The following LRRN2 variants were observed in gnomAD, a reference collection of about 807,000 sequenced individuals.
LRRN2 encodes leucine-rich repeat neuronal protein 2.
In LRRN2, 10 loss-of-function variants were observed where a neutral mutation model predicts 35.7. The ratio of observed to expected loss-of-function variants is 0.28; its 90% CI spans 0.17 to 0.47. The LOEUF (loss-of-function observed/expected upper bound fraction) is 0.47. Ranked by LOEUF, LRRN2 falls within the 20% of genes least tolerant of loss-of-function variation. The pLI is 0.99. For synonymous variants in LRRN2, 391 were observed against 409.6 expected (o/e 0.95, Z 0.55); for missense variants, 731 against 940.3 (o/e 0.78, Z 2.91).
chr1:204,652,443 TAA>T (rs1233913213), intron 1 of LRRN2, among the ~76,000 whole-genome samples: 1 of 151,450 alleles, frequency 6.6e-6, no homozygotes, highest in African/African-American at 2.4e-5. Context: ...AGGACCGAGC[TAA>T]AGTTTTGGCT....
rs369418377 is a variant in LRRN2, at chr1:204,628,860, C to T, written c.-226-8642G>A. The T allele has an allele frequency of 3.3e-5, 5 of 152,350 alleles. No individual in the cohort carries two copies. The East Asian group carries it at 7.7e-4, about 23-fold the overall frequency. 9.4% of individuals were successfully genotyped at this position (152,350 alleles called of 1,614,324 possible). A position where few individuals can be genotyped will look rare whatever the true frequency, so the allele number is the denominator to read the frequency against. On this transcript the variant is annotated intron_variant, in intron 1 of 1. Transcript: ENST00000367177. ...CTCCTCCTGGCTTAGGGGAGCAGCT[C>T]CTCTGCTTCCCCACATGCTCTCCAG...
intron 1 of LRRN2, among the ~76,000 whole-genome samples, chr1:204,635,602 G>C (rs1296052028): frequency 1.3e-5 from 2 of 152,204 alleles, no homozygotes; most frequent in Non-Finnish European, 2.9e-5. Context: ...CGAGATGGCT[G>C]GTATCCCAAA....
rs1669053340 is a variant in LRRN2 at position 204,685,551 on chromosome 1, C to CT, written c.-459dup. 1 of 152,036 alleles carries CT rather than the reference C, an allele frequency of 6.6e-6. No homozygotes were observed. The highest frequency in any genetic ancestry group is 1.5e-5 in the Non-Finnish European group (1 of 68,024). The allele number at this position is 152,036 out of a possible 1,614,324, so 9.4% of individuals were successfully genotyped here. ...CAGAATCCCAATCCGTCCCCACCCC[C>CT]TCTCCGCGCCCTGGGCGCGTCGCGG... On this transcript the variant is annotated 5_prime_UTR_variant, in exon 1 of 2. Transcript: ENST00000367177.
chr1:204,657,039 T>G lies in LRRN2; in HGVS notation c.-227+28281A>C, dbSNP rs568640999. Among the ~76,000 whole-genome samples, 665 of 152,278 alleles carry G rather than the reference T, an allele frequency of 4.4e-3. 6 individuals are homozygous for G. The highest frequency in any genetic ancestry group is 6.7e-3 in the Non-Finnish European group (455 of 68,006). ...TGGTATATCTGACAGGCGTGGTGGC[T>G]CACGTCTGTAATCCCAGCACTTTGA... On this transcript the variant is annotated intron_variant, in intron 1 of 1. Coordinates refer to ENST00000367177, the MANE Select transcript of LRRN2 (RefSeq NM_201630.2).
Position 204,651,167 on chromosome 1 carries a change from C to G in LRRN2, c.-226-30949G>C, listed in dbSNP as rs76536587. The stretch of plus-strand genomic sequence containing the variant: ...GTGCACAAGGACTGGAAGGCACCAT[C>G]TAGGAGCCGAGGACCACCCTCAGCT... On this transcript the variant is annotated intron_variant, in intron 1 of 1. Coordinates refer to ENST00000367177, the MANE Select transcript of LRRN2 (RefSeq NM_201630.2). 4.2e-3 allele frequency among the ~76,000 whole-genome samples: 635 copies of G among 152,284 alleles called. 8 individuals carry two copies. The highest frequency in any genetic ancestry group is 0.014 in the African/African-American group (584 of 41,538).
At chr1:204,633,152 A>G (rs865865557) in intron 1 of LRRN2, 1 of 151,360 alleles carries the variant, frequency 6.6e-6, no homozygotes, top group Non-Finnish European at 1.5e-5. Flanking sequence ...ACCTTCTGCC[A>G]TGTGAGGAAA....
intron 1 of LRRN2, among the ~76,000 whole-genome samples, chr1:204,661,206 A>G (rs1668464928): frequency 6.6e-6 from 1 of 152,192 alleles, no homozygotes; most frequent in South Asian, 2.1e-4. Flanking sequence ...TGTGGAGCAA[A>G]AGAATACAAA....
intron 1 of LRRN2, among the ~76,000 whole-genome samples, chr1:204,674,300 G>GCCTCC (rs1395951949): frequency 7.4e-6 from 1 of 135,702 alleles, no homozygotes; most frequent in African/African-American, 2.8e-5. Context: ...CCCCCTCACT[G>GCCTCC]CCTCCCCTCC....
intron 1 of LRRN2, chr1:204,621,430 C>T (rs1043653599): frequency 2.4e-5 from 4 of 167,258 alleles, no homozygotes; most frequent in African/African-American, 7.2e-5. Context: ...CCAAAACCTC[C>T]CCACCTGGCT....
At chr1:204,630,494 G>A (rs7553896) in intron 1 of LRRN2, among the ~76,000 whole-genome samples, 58,333 of 151,834 alleles carry the variant, frequency 0.38, 12,293 homozygotes, top group Admixed American at 0.49. Flanking sequence ...TTTCATCAGC[G>A]GGTTTGCCAG....
intron 1 of LRRN2, among the ~76,000 whole-genome samples, chr1:204,681,109 A>G (rs1668938922): frequency 6.6e-6 from 1 of 152,064 alleles, no homozygotes; most frequent in African/African-American, 2.4e-5. Flanking sequence ...GGTGTGTGCC[A>G]CCACGCCCGG....
At chr1:204,659,789 T>G (rs1668433064) in intron 1 of LRRN2, among the ~76,000 whole-genome samples, 2 of 152,192 alleles carry the variant, frequency 1.3e-5, no homozygotes, top group African/African-American at 4.8e-5. Flanking sequence ...TGTTTGCTAT[T>G]ATTATTACTA....
At chr1:204,643,440 T>A (rs974823407) in intron 1 of LRRN2, among the ~76,000 whole-genome samples, 2 of 152,182 alleles carry the variant, frequency 1.3e-5, no homozygotes, top group Admixed American at 6.5e-5. Flanking sequence ...GCTGTTCTAG[T>A]CCTTGCTTGG....
chr1:204,682,230 T>C (rs888672120), intron 1 of LRRN2, among the ~76,000 whole-genome samples: 1 of 152,206 alleles, frequency 6.6e-6, no homozygotes, highest in Non-Finnish European at 1.5e-5. Flanking sequence ...AGTTGTCACA[T>C]ACCTGTGTAG....
intron 1 of LRRN2, among the ~76,000 whole-genome samples, chr1:204,642,177 G>A (rs754045151): frequency 3.2e-4 from 48 of 152,144 alleles, no homozygotes; most frequent in Non-Finnish European, 5.6e-4. Flanking sequence ...GAATTAACAG[G>A]GGGAACATTC....
intron 1 of LRRN2, among the ~76,000 whole-genome samples, chr1:204,631,325 C>CAGATTAGG (rs1667699621): frequency 9.1e-6 from 1 of 110,202 alleles, no homozygotes; most frequent in African/African-American, 3.5e-5. Context: ...TATACCCTGA[C>CAGATTAGG]AGATTAGGTT....
At chr1:204,674,752 C>T (rs1482555920) in intron 1 of LRRN2, among the ~76,000 whole-genome samples, 1 of 152,154 alleles carries the variant, frequency 6.6e-6, no homozygotes, top group Non-Finnish European at 1.5e-5. Flanking sequence ...GTGACCAGTT[C>T]CAGGACAAAG....
At chr1:204,664,701 C>T (rs1410166426) in intron 1 of LRRN2, 1 of 152,218 alleles carries the variant, frequency 6.6e-6, no homozygotes, top group Non-Finnish European at 1.5e-5. Context: ...TCTTCTCAAT[C>T]CAACAGTATT....
intron 1 of LRRN2, among the ~76,000 whole-genome samples, chr1:204,677,998 G>T (rs1668862591): frequency 6.6e-6 from 1 of 152,062 alleles, no homozygotes; most frequent in Non-Finnish European, 1.5e-5. Flanking sequence ...CACCCTGCCA[G>T]CTCCAAGTTC....
Sources: gnomAD v4.1 joint callset for allele counts (sites outside exome capture counted in the v4.1 genomes callset) on GRCh38, gnomAD v4.1.1 for gene constraint, MANE v1.5 for transcripts, NCBI Gene and HGNC (gene_info 2026-07-23, HGNC 2026-07-21) for gene names.